Variants in SGK2 observed in about 807,000 individuals in gnomAD.
SGK2 encodes serum/glucocorticoid regulated kinase 2.
Under a neutral mutation model 47.5 loss-of-function variants are expected in SGK2, and 36 were observed. The observed-to-expected ratio is 0.76, with a 90% CI of 0.58 to 1.00. The LOEUF is 1.00. SGK2 is among the 50% of genes least tolerant of loss of function. The pLI is 0.00. For synonymous variants in SGK2, 157 were observed against 181.9 expected (o/e 0.86, Z 1.10); for missense variants, 404 against 467.4 (o/e 0.86, Z 1.25).
chr20:43,584,057 T>C (rs1192984734), intron 12 of SGK2, among the ~76,000 whole-genome samples: 3 of 152,106 alleles, frequency 2.0e-5, no homozygotes, highest in African/African-American at 7.2e-5. Context: ...ATATCTGTGG[T>C]CAGCTAGCGG....
At chr20:43,581,141 C>T (rs573633817) in intron 12 of SGK2, among the ~76,000 whole-genome samples, 27 of 152,200 alleles carry the variant, frequency 1.8e-4, no homozygotes, top group African/African-American at 5.3e-4. Context: ...TCCCAAAGTG[C>T]TGGGATTACA....
chr20:43,566,964 C>T, intron 2 of SGK2, 104 bp from the exon 3 acceptor site: 1 of 867,648 alleles, frequency 1.2e-6, no homozygotes, highest in Non-Finnish European at 1.9e-6. Context: ...AAAAGGCAGG[C>T]AGGCCTAGTA....
At chr20:43,577,953 C>A (rs572516897) in intron 11 of SGK2, among the ~76,000 whole-genome samples, 1 of 152,118 alleles carries the variant, frequency 6.6e-6, no homozygotes, top group African/African-American at 2.4e-5. Flanking sequence ...CCAGCACTTG[C>A]TTTTTACAAA....
intron 12 of SGK2, 71 bp downstream of exon 12, chr20:43,580,132 C>T: frequency 2.1e-6 from 2 of 957,500 alleles, no homozygotes; most frequent in Non-Finnish European, 3.2e-6. Flanking sequence ...GCCAACTCTC[C>T]TTATCTAGAT....
At chr20:43,582,266 C>A (rs1980843273) in intron 12 of SGK2, among the ~76,000 whole-genome samples, 1 of 152,066 alleles carries the variant, frequency 6.6e-6, no homozygotes, top group Non-Finnish European at 1.5e-5. Flanking sequence ...CTATGTAGCC[C>A]AGGCTGATCT....
chr20:43,583,522 C>G (rs1980922334), intron 12 of SGK2: 2 of 1,140,756 alleles, frequency 1.8e-6, no homozygotes, highest in Non-Finnish European at 2.2e-6. Flanking sequence ...ATCTGTTTGG[C>G]TCCATAGCCC....
chr20:43,569,240 T>C (rs1979945416), intron 5 of SGK2, 145 bp from the exon 6 acceptor site: 2 of 1,013,854 alleles, frequency 2.0e-6, no homozygotes, highest in Non-Finnish European at 2.9e-6. Flanking sequence ...CTAAGGGCAA[T>C]AGGGAGCCAT....
intron 11 of SGK2, 33 bp downstream of exon 11, chr20:43,576,412 A>T: frequency 6.2e-7 from 1 of 1,602,512 alleles, no homozygotes; most frequent in Non-Finnish European, 8.5e-7. Context: ...ACTGGCCCCC[A>T]TGGGGCTCGC....
chr20:43,560,441 G>A (rs1340761743), intron 1 of SGK2, among the ~76,000 whole-genome samples: 2 of 151,214 alleles, frequency 1.3e-5, no homozygotes. Context: ...GGAGGTTGCA[G>A]TGAGCAGAGA....
chr20:43,577,902 C>G (rs1478930965), intron 11 of SGK2, among the ~76,000 whole-genome samples: 2 of 152,116 alleles, frequency 1.3e-5, no homozygotes, highest in Non-Finnish European at 2.9e-5. Flanking sequence ...GCCTCAGCCT[C>G]CCAAAGTGCT....
chr20:43,575,119 C>T (rs1980386071), intron 10 of SGK2, 115 bp downstream of exon 10: 1 of 673,318 alleles, frequency 1.5e-6, no homozygotes, highest in Admixed American at 2.7e-5. Context: ...TCATTCCAGA[C>T]TAAAAAAGAT....
chr20:43,576,179 C>T lies in SGK2; in HGVS notation c.694-45C>T, dbSNP rs778953435. ...CTCCAAGTCTCCCCGAGCCTGTGTT[C>T]ACTTTGCATGGGTGATCCTCCAGCT... On this transcript the variant is annotated intron_variant, in intron 10 of 12. Coordinates refer to ENST00000373100, the MANE Select transcript of SGK2 (RefSeq NM_170693.3). The T allele has an allele frequency of 1.7e-5, 27 of 1,602,384 alleles. No homozygotes were observed. In the East Asian group the frequency reaches 5.6e-4, roughly 33 times the overall value.
At chr20:43,577,558 G>A (rs1347434285) in intron 11 of SGK2, among the ~76,000 whole-genome samples, 2 of 151,118 alleles carry the variant, frequency 1.3e-5, no homozygotes, top group East Asian at 3.9e-4. Context: ...CACCAAGTTG[G>A]CCAGATGGTC....
chr20:43,561,436 C>T (rs1425327063), intron 1 of SGK2, among the ~76,000 whole-genome samples: 6 of 140,090 alleles, frequency 4.3e-5, no homozygotes, highest in African/African-American at 1.6e-4. Context: ...TGTCACCAGG[C>T]TGGAGTGCAG....
rs138248496 is a variant in SGK2, at chr20:43,569,043, A to G, written c.229-342A>G. On this transcript the variant is annotated intron_variant, in intron 5 of 12. Coordinates refer to ENST00000373100, the MANE Select transcript of SGK2 (RefSeq NM_170693.3). ...AGGAAATAGCATGAGCAAATACATG[A>G]ATATGGATAGTGTGTGGCTTCTTTC... is the stretch of plus-strand genomic sequence containing the variant. Among the ~76,000 whole-genome samples, 91 of 152,322 alleles carry G rather than the reference A, an allele frequency of 6.0e-4. 1 individual carries two copies. Among genetic ancestry groups the G allele is most frequent in the Middle Eastern group, 6.8e-3 (2 of 294 alleles).
intron 4 of SGK2, 42 bp from the exon 5 acceptor site, chr20:43,567,873 TC>T (rs748651838): frequency 3.9e-5 from 63 of 1,600,764 alleles, no homozygotes; most frequent in Admixed American, 2.7e-4. Context: ...TGTTGGGAAG[TC>T]CAAAGTCACC....
chr20:43,585,145 A>T lies in SGK2; in HGVS notation c.*129A>T, dbSNP rs1981020784. ...GCAGGTTTATTTTTTCCAGCACATAAAAGAAAAATAATGTTTCGGAGTCCA... is the reference window on the plus strand; with the variant it reads ...GCAGGTTTATTTTTTCCAGCACATATAAGAAAAATAATGTTTCGGAGTCCA... On this transcript the variant is annotated 3_prime_UTR_variant, in exon 13 of 13. Coordinates refer to ENST00000373100, the MANE Select transcript of SGK2 (RefSeq NM_170693.3). 1.1e-6 allele frequency: 1 copy of T among 872,958 alleles called. No individual in the cohort carries two copies. Among genetic ancestry groups the T allele is most frequent in the Non-Finnish European group, 1.7e-6 (1 of 575,778 alleles). The allele number at this position is 872,958 out of a possible 1,614,324, so 54.1% of individuals were successfully genotyped here.
intron 3 of SGK2, 56 bp downstream of exon 3, chr20:43,567,173 C>T: frequency 7.0e-7 from 1 of 1,423,078 alleles, no homozygotes; most frequent in Non-Finnish European, 9.9e-7. Flanking sequence ...TACCTGGCTC[C>T]CCTTGCCTTG....
Position 43,567,901 on chromosome 20 carries a change from C to G in SGK2, c.145-15C>G, listed in dbSNP as rs777036631. ...AAAGTCACCTACAGGGCCTCAAATT[C>G]ATGTTTCTTCTCAGGTCCTACTGGC... On this transcript the variant is annotated splice_polypyrimidine_tract_variant and intron_variant, in intron 4 of 12. Transcript: ENST00000373100. 3 of 1,613,018 alleles carry G rather than the reference C, an allele frequency of 1.9e-6. No homozygotes were observed. The highest frequency in any genetic ancestry group is 2.5e-6 in the Non-Finnish European group (3 of 1,178,990).
Sources: gnomAD v4.1 joint callset for allele counts (sites outside exome capture counted in the v4.1 genomes callset) on GRCh38, gnomAD v4.1.1 for gene constraint, MANE v1.5 for transcripts, NCBI Gene and HGNC (gene_info 2026-07-23, HGNC 2026-07-21) for gene names.